Variants in SDK1 observed in about 807,000 individuals in gnomAD.
The protein encoded by SDK1 is protein sidekick-1.
SDK1 carries 157 observed loss-of-function variants against 245.5 expected under a neutral mutation model. That is an observed-to-expected ratio of 0.64 (90% CI 0.56 to 0.73). The LOEUF is 0.73. Ranked by LOEUF, SDK1 falls within the 30% of genes least tolerant of loss-of-function variation. The pLI is 0.00. For synonymous variants in SDK1, 1,647 were observed against 1,278.5 expected (o/e 1.29, Z -6.15); for missense variants, 3,583 against 3,002.3 (o/e 1.19, Z -4.52).
intron 1 of SDK1, among the ~76,000 whole-genome samples, chr7:3,433,679 A>G (rs1233391796): frequency 6.6e-6 from 1 of 152,216 alleles, no homozygotes; most frequent in African/African-American, 2.4e-5. Flanking sequence ...AAATACAAAC[A>G]TGTTGGAAAT....
intron 32 of SDK1, among the ~76,000 whole-genome samples, chr7:4,163,664 G>C (rs934056286): frequency 6.6e-6 from 1 of 152,192 alleles, no homozygotes; most frequent in African/African-American, 2.4e-5. Flanking sequence ...TGGGCCGGGA[G>C]AGAGACGTGC....
intron 1 of SDK1, among the ~76,000 whole-genome samples, chr7:3,444,193 A>G (rs1780278518): frequency 6.6e-6 from 1 of 152,204 alleles, no homozygotes; most frequent in Admixed American, 6.5e-5. Flanking sequence ...TCCTGAGCCC[A>G]AGTCTGCCAG....
intron 4 of SDK1, among the ~76,000 whole-genome samples, chr7:3,801,024 C>T (rs942670130): frequency 6.6e-6 from 1 of 152,164 alleles, no homozygotes; most frequent in Admixed American, 6.6e-5. Context: ...ATTTGCACAA[C>T]AAATTGAAAT....
chr7:4,163,335 G>A (rs1781286850), intron 32 of SDK1, among the ~76,000 whole-genome samples: 3 of 152,214 alleles, frequency 2.0e-5, no homozygotes, highest in Non-Finnish European at 2.9e-5. Flanking sequence ...GCAGCAGGTG[G>A]GAATGATGGT....
intron 4 of SDK1, among the ~76,000 whole-genome samples, chr7:3,702,974 C>T (rs1442054316): frequency 1.3e-5 from 2 of 148,874 alleles, no homozygotes; most frequent in African/African-American, 2.5e-5. Context: ...ATGTTTCATG[C>T]GTTGCTGGTG....
chr7:4,012,284 G>T, intron 16 of SDK1, 49 bp downstream of exon 16: 2 of 1,430,690 alleles, frequency 1.4e-6, no homozygotes, highest in Non-Finnish European at 1.8e-6. Context: ...AGAGTTGAGC[G>T]TCGATTTCAC....
intron 4 of SDK1, among the ~76,000 whole-genome samples, chr7:3,709,028 T>C (rs948157237): frequency 6.6e-6 from 1 of 152,242 alleles, no homozygotes; most frequent in Non-Finnish European, 1.5e-5. Flanking sequence ...TATTGTTTTA[T>C]AGGCCCTGTG....
chr7:4,265,937 T>C lies in SDK1; in HGVS notation c.*553T>C. On this transcript the variant is annotated 3_prime_UTR_variant, in exon 45 of 45. Transcript: ENST00000404826. ...CCAACTTCATCTGTTTCTGAAATGT[T>C]CTCACTTGGCAGTGTCTAGTCAAGG... 2.0e-6 allele frequency: 2 copies of C among 985,792 alleles called. No homozygotes were observed. The highest frequency in any genetic ancestry group is 2.4e-6 in the Non-Finnish European group (2 of 830,176). The allele number at this position is 985,792 out of a possible 1,614,324, so 61.1% of individuals were successfully genotyped here. A position where few individuals can be genotyped will look rare whatever the true frequency, so the allele number is the denominator to read the frequency against.
In SDK1 at chr7:3,731,483, G is replaced by A. The variant is rs1046320625; in HGVS notation, c.713+89378G>A. 2.0e-5 allele frequency among the ~76,000 whole-genome samples: 3 copies of A among 152,352 alleles called. No homozygotes were observed. The East Asian group carries it at 5.8e-4, about 29-fold the overall frequency. Reference sequence around the variant, plus strand: ...GCTGACAGCTTCCGACGAGTTGCCAGATGACGTTTCTTCTGCTATTCTTTC... The same window carrying A: ...GCTGACAGCTTCCGACGAGTTGCCAAATGACGTTTCTTCTGCTATTCTTTC... On this transcript the variant is annotated intron_variant, in intron 4 of 44. Transcript: ENST00000404826.
chr7:3,669,655 A>G (rs368301205), intron 4 of SDK1, among the ~76,000 whole-genome samples: 1 of 151,852 alleles, frequency 6.6e-6, no homozygotes, highest in East Asian at 1.9e-4. Context: ...ACTACCTCCC[A>G]CCTTATTCTC....
chr7:3,333,981 C>T (rs1780135036), intron 1 of SDK1, among the ~76,000 whole-genome samples: 1 of 152,162 alleles, frequency 6.6e-6, no homozygotes, highest in Non-Finnish European at 1.5e-5. Flanking sequence ...CCACCTTGGC[C>T]GCTGTCCACA....
chr7:4,131,631 C>T (rs188314592), intron 27 of SDK1, among the ~76,000 whole-genome samples: 1 of 152,346 alleles, frequency 6.6e-6, no homozygotes, highest in East Asian at 1.9e-4. Context: ...ACTGGCCACA[C>T]ACTTACTTGC....
intron 5 of SDK1, among the ~76,000 whole-genome samples, chr7:3,858,046 GT>G (rs1450451136): frequency 6.6e-6 from 1 of 152,118 alleles, no homozygotes; most frequent in Admixed American, 6.5e-5. Flanking sequence ...CATGAAACTT[GT>G]CAAGATGATT....
At chr7:3,820,403 C>T (rs973195105) in intron 4 of SDK1, among the ~76,000 whole-genome samples, 2 of 152,196 alleles carry the variant, frequency 1.3e-5, no homozygotes, top group South Asian at 2.1e-4. Flanking sequence ...CCACCTCGCC[C>T]TCCCAAAGTG....
chr7:3,722,187 C>T (rs1029937640), intron 4 of SDK1, among the ~76,000 whole-genome samples: 5 of 152,140 alleles, frequency 3.3e-5, no homozygotes, highest in South Asian at 4.1e-4. Context: ...CCCAGGTTAG[C>T]AGTAAATCTT....
chr7:4,064,727 CCA>C (rs1315487430), intron 19 of SDK1, among the ~76,000 whole-genome samples: 1 of 152,100 alleles, frequency 6.6e-6, no homozygotes. Context: ...TACTATTCAG[CCA>C]CAAGAAAGAA....
chr7:4,194,814 C>A (rs1449294140), intron 35 of SDK1, among the ~76,000 whole-genome samples: 1 of 152,202 alleles, frequency 6.6e-6, no homozygotes, highest in African/African-American at 2.4e-5. Flanking sequence ...CTCACAGACA[C>A]GCCCAGGATT....
chr7:3,864,360 G>A (rs1453961808), intron 5 of SDK1, among the ~76,000 whole-genome samples: 4 of 152,266 alleles, frequency 2.6e-5, no homozygotes, highest in Non-Finnish European at 4.4e-5. Flanking sequence ...GGCTTTGGGA[G>A]GGAAAGAAGG....
At chr7:4,138,525 C>A (rs1450157981) in intron 28 of SDK1, among the ~76,000 whole-genome samples, 4 of 151,892 alleles carry the variant, frequency 2.6e-5, no homozygotes, top group Non-Finnish European at 5.9e-5. Flanking sequence ...AAGGGTGGAT[C>A]CACGTGAGGT....
Sources: gnomAD v4.1 joint callset for allele counts (sites outside exome capture counted in the v4.1 genomes callset) on GRCh38, gnomAD v4.1.1 for gene constraint, MANE v1.5 for transcripts, NCBI Gene and HGNC (gene_info 2026-07-23, HGNC 2026-07-21) for gene names.